GALK2: variants seen among roughly 807,000 people sequenced by gnomAD.
GALK2 encodes the protein galactokinase 2, also known as N-acetylgalactosamine kinase.
A neutral mutation model predicts 52.4 loss-of-function variants in GALK2; 36 were observed. That is an observed-to-expected ratio of 0.69 (90% CI 0.53 to 0.91). The LOEUF is 0.91. GALK2 is among the 40% of genes least tolerant of loss of function. The probability of loss-of-function intolerance (pLI) is 0.00; values close to 1 mark genes in which losing one functional copy is unlikely to be tolerated. For missense variants in GALK2, 579 were observed against 559.1 expected, an observed-to-expected ratio of 1.04 and a Z score of -0.36; for synonymous variants, 176 against 199.1, an observed-to-expected ratio of 0.88 and a Z score of 0.98.
chr15:49,319,800 C>A lies in GALK2; in HGVS notation c.1164C>A (p.Ile388=). ...SCPELDQLVD[I]CRKFGAQGSR... Reference sequence around the variant, plus strand: ...CCGAGCTGGATCAGCTGGTGGACATCTGTCGGTGAGGCAGCCTGGTGGGGG... The same window carrying A: ...CCGAGCTGGATCAGCTGGTGGACATATGTCGGTGAGGCAGCCTGGTGGGGG... The change falls in exon 9 of 10, where the codon ATC becomes ATA. Residue 388 remains isoleucine (I), a synonymous_variant. Coordinates refer to ENST00000560031, the MANE Select transcript of GALK2 (RefSeq NM_002044.4). 6.2e-7 allele frequency: 1 copy of A among 1,613,322 alleles called. No homozygotes were observed. Among genetic ancestry groups the A allele is most frequent in the Non-Finnish European group, 8.5e-7 (1 of 1,179,808 alleles).
At chr15:49,274,338 A>G (rs1179608925) in intron 5 of GALK2, among the ~76,000 whole-genome samples, 3 of 152,258 alleles carry the variant, frequency 2.0e-5, no homozygotes, top group African/African-American at 7.2e-5. Context: ...CAGTTGTAAC[A>G]CAATGGTAAG....
chr15:49,270,274 C>A (rs1157614737), intron 5 of GALK2, among the ~76,000 whole-genome samples: 1 of 152,170 alleles, frequency 6.6e-6, no homozygotes, highest in African/African-American at 2.4e-5. Flanking sequence ...TTTGTTTAAT[C>A]TTACTTACTA....
chr15:49,239,992 A>G (rs2091013453), intron 5 of GALK2, among the ~76,000 whole-genome samples: 1 of 152,166 alleles, frequency 6.6e-6, no homozygotes, highest in Non-Finnish European at 1.5e-5. Context: ...GGTTCTTTTT[A>G]CCCCATGTAC....
At chr15:49,180,551 T>A (rs747089287) in intron 1 of GALK2, among the ~76,000 whole-genome samples, 18 of 152,240 alleles carry the variant, frequency 1.2e-4, no homozygotes, top group Non-Finnish European at 2.1e-4. Context: ...CTTTTTCAAA[T>A]GCAAAATTGA....
intron 3 of GALK2, among the ~76,000 whole-genome samples, chr15:49,229,484 G>T (rs2090380103): frequency 6.6e-6 from 1 of 152,206 alleles, no homozygotes; most frequent in Admixed American, 6.5e-5. Context: ...GTTGCATGCA[G>T]GTGGAAGCTA....
At chr15:49,235,675 C>A (rs931478694) in intron 3 of GALK2, 176 bp from the exon 4 acceptor site, 2 of 737,884 alleles carry the variant, frequency 2.7e-6, no homozygotes, top group Non-Finnish European at 5.0e-6. Context: ...GCCACTGCAA[C>A]TTCCTCTCTT....
chr15:49,321,230 A>G (rs937484940), intron 9 of GALK2, among the ~76,000 whole-genome samples: 4 of 111,156 alleles, frequency 3.6e-5, no homozygotes, highest in South Asian at 2.9e-4. Context: ...TGAATAAATG[A>G]GAACAGCAAA....
At chr15:49,286,671 G>T (rs1159526734) in intron 7 of GALK2, among the ~76,000 whole-genome samples, 1 of 152,176 alleles carries the variant, frequency 6.6e-6, no homozygotes, top group African/African-American at 2.4e-5. Flanking sequence ...CATAGTATTT[G>T]ATCAGTGCAT....
chr15:49,238,832 A>G (rs1030777426), intron 4 of GALK2, among the ~76,000 whole-genome samples: 10 of 152,174 alleles, frequency 6.6e-5, no homozygotes, highest in Middle Eastern at 3.2e-3. Context: ...ATTACCTCAC[A>G]GATAATTGTA....
chr15:49,165,196 G>C (rs1483412238), intron 1 of GALK2, among the ~76,000 whole-genome samples: 1 of 152,166 alleles, frequency 6.6e-6, no homozygotes, highest in Non-Finnish European at 1.5e-5. Context: ...CAGGTAATAA[G>C]TATAAAAATC....
intron 1 of GALK2, among the ~76,000 whole-genome samples, chr15:49,175,011 GTC>G (rs1043832986): frequency 1.3e-5 from 2 of 152,154 alleles, no homozygotes; most frequent in Non-Finnish European, 2.9e-5. Flanking sequence ...GCCCCACAGA[GTC>G]TGTCTTATAC....
chr15:49,324,649 C>T (rs982460732), intron 9 of GALK2, among the ~76,000 whole-genome samples: 8 of 152,242 alleles, frequency 5.3e-5, no homozygotes, highest in African/African-American at 1.9e-4. Flanking sequence ...TCTAACCTGG[C>T]TGTAAAAATC....
intron 8 of GALK2, chr15:49,318,954 C>CTTTTT: frequency 1.2e-5 from 5 of 420,394 alleles, no homozygotes; most frequent in African/African-American, 2.1e-5. Flanking sequence ...TTCTTTCTTT[C>CTTTTT]TTTTTTTTTT....
chr15:49,333,101 T>G (rs567021624), downstream of GALK2, among the ~76,000 whole-genome samples: 3 of 152,238 alleles, frequency 2.0e-5, no homozygotes, highest in Admixed American at 2.0e-4. Context: ...TTAAAATCAC[T>G]CCCTCTTCCA....
intron 3 of GALK2, chr15:49,365,755 T>A (rs2045055171): frequency 2.3e-6 from 2 of 865,484 alleles, no homozygotes; most frequent in African/African-American, 3.3e-5. Flanking sequence ...AGCCCACCTG[T>A]CTTCATTTTG....
At chr15:49,253,498 A>G (rs1281675340) in intron 5 of GALK2, among the ~76,000 whole-genome samples, 1 of 144,802 alleles carries the variant, frequency 6.9e-6, no homozygotes, top group Non-Finnish European at 1.6e-5. Flanking sequence ...ACTACTTCAT[A>G]GGCAGAGCAG....
In GALK2 at chr15:49,329,275, T is replaced by A; in HGVS notation, c.*1116T>A. The stretch of plus-strand genomic sequence containing the variant: ...GTGGGCAGAAATGTTTGGCTGGTGA[T>A]GGCAAATGACTGGCTTTCTCTTGTG... On this transcript the variant is annotated 3_prime_UTR_variant, in exon 10 of 10. Transcript: ENST00000560031. 3 of 985,498 alleles carry A rather than the reference T, an allele frequency of 3.0e-6. No individual in the cohort carries two copies. The highest frequency in any genetic ancestry group is 2.4e-6 in the Non-Finnish European group (2 of 829,974). The allele number at this position is 985,498 out of a possible 1,614,324, so 61.0% of individuals were successfully genotyped here.
chr15:49,272,095 G>A (rs1426854033), intron 5 of GALK2, among the ~76,000 whole-genome samples: 1 of 152,166 alleles, frequency 6.6e-6, no homozygotes, highest in Non-Finnish European at 1.5e-5. Flanking sequence ...TCCTGAAGCA[G>A]AATGACAAGG....
intron 7 of GALK2, 74 bp from the exon 8 acceptor site, chr15:49,292,253 G>T: frequency 7.4e-7 from 1 of 1,342,360 alleles, no homozygotes; most frequent in Non-Finnish European, 1.0e-6. Context: ...GCTTAACGTT[G>T]AATCTGGCTA....
Sources: gnomAD v4.1 joint callset for allele counts (sites outside exome capture counted in the v4.1 genomes callset) on GRCh38, gnomAD v4.1.1 for gene constraint, MANE v1.5 for transcripts, NCBI Gene and HGNC (gene_info 2026-07-23, HGNC 2026-07-21) for gene names.